The following PGK1 variants were observed in gnomAD, a reference collection of about 807,000 sequenced individuals.
PGK1 encodes phosphoglycerate kinase 1.
Under a neutral mutation model 26.9 loss-of-function variants are expected in PGK1, and 3 were observed. The observed-to-expected ratio is 0.11, with a 90% CI of 0.05 to 0.29. The LOEUF (loss-of-function observed/expected upper bound fraction) is 0.29, where lower values mean the gene tolerates loss of function less well. Among genes scored for constraint, PGK1 ranks in the 10% least tolerant of loss-of-function variants. PGK1 has a pLI of 1.00. For synonymous variants in PGK1, 125 were observed against 115.3 expected (o/e 1.08, Z -0.54); for missense variants, 270 against 314.7 (o/e 0.86, Z 1.07).
chrX:78,113,153 G>T (rs1441914188), intron 2 of PGK1, among the ~76,000 whole-genome samples: 1 of 111,064 alleles, frequency 9.0e-6, no homozygotes, highest in Non-Finnish European at 1.9e-5. Context: ...AAATTAGCTG[G>T]GCATGGTGGT....
Position 78,129,246 on chromosome X carries a change from T to TATCTATCTATCTA in PGK1, c.*3417_*3429dup, listed in dbSNP as rs1557249098. On this transcript the variant is annotated 3_prime_UTR_variant, in exon 11 of 11. Transcript: ENST00000373316. ...CTATCTATCTATCTATCTATCTATC[T>TATCTATCTATCTA]ATCTATCTATCTATCTGTATATAGA... The TATCTATCTATCTA allele has an allele frequency of 1.8e-5, 2 of 110,615 alleles. No individual in the cohort carries two copies. The highest frequency in any genetic ancestry group is 6.6e-5 in the African/African-American group (2 of 30,300). The allele number at this position is 110,615 out of a possible 1,213,427, so 9.1% of individuals were successfully genotyped here. A position where few individuals can be genotyped will look rare whatever the true frequency, so the allele number is the denominator to read the frequency against.
intron 1 of PGK1, among the ~76,000 whole-genome samples, chrX:78,105,249 T>A (rs2078266259): frequency 8.9e-6 from 1 of 112,137 alleles, no homozygotes; most frequent in Admixed American, 9.4e-5. Flanking sequence ...CTGCCAGAAT[T>A]GTTGGTAGAG....
In PGK1 at chrX:78,113,899, A is replaced by G. The variant is rs781818513; in HGVS notation, c.272A>G (p.Lys91Arg). 2 of 1,211,078 alleles carry G rather than the reference A, an allele frequency of 1.7e-6. No individual in the cohort carries two copies. Among genetic ancestry groups the G allele is most frequent in the South Asian group, 3.5e-5 (2 of 56,989 alleles). Residue 91 changes from lysine to arginine, a missense_variant and splice_region_variant, in exon 3 of 11, where the codon AAG (lysine) becomes AGG (arginine). By Grantham distance (26) the Lys-to-Arg change is conservative. Transcript: ENST00000373316. ...GTAGAACTCAAATCTCTGCTGGGCA[A>G]GTAAGTGCCAGGCTCTGGTGCTGGT... is the stretch of plus-strand genomic sequence containing the variant. ...VAVELKSLLG[K>R]DVLFLKDCVG... is the part of the protein sequence containing the mutation.
At position 78,126,725 on chromosome X, in the gene PGK1, TTC is replaced by T. The variant is rs1163837311; in HGVS notation, c.*900_*901del. On this transcript the variant is annotated 3_prime_UTR_variant, in exon 11 of 11. Coordinates refer to ENST00000373316, the MANE Select transcript of PGK1 (RefSeq NM_000291.4). ...TTCCACATATATTTCCACTTCTTCA[TTC>T]TCTCGGTATAGTTTTGTCACAATTA... 1 of 111,657 alleles carries T rather than the reference TTC, an allele frequency of 9.0e-6. No individual in the cohort carries two copies. The highest frequency in any genetic ancestry group is 1.9e-5 in the Non-Finnish European group (1 of 53,117). The allele number at this position is 111,657 out of a possible 1,213,427, so 9.2% of individuals were successfully genotyped here.
Position 78,109,905 on chromosome X carries a change from C to A in PGK1, c.104C>A (p.Thr35Lys). 12 of 1,187,656 alleles carry A rather than the reference C, an allele frequency of 1.0e-5. No homozygotes were observed. The highest frequency in any genetic ancestry group is 1.4e-5 in the Non-Finnish European group (12 of 873,698). The change falls in exon 2 of 11, where the codon ACA becomes AAA. Residue 35 changes from threonine (T) to lysine (K), a missense_variant. Coordinates refer to ENST00000373316, the MANE Select transcript of PGK1 (RefSeq NM_000291.4). ...FNVPMKNNQI[T>K]NNQRIKAAVP... ...GTTCCTATGAAGAACAACCAGATAACAAACAACCAGAGGTAAGGTCCCTGC... is the reference window on the plus strand; with the variant it reads ...GTTCCTATGAAGAACAACCAGATAAAAAACAACCAGAGGTAAGGTCCCTGC...
In PGK1 at chrX:78,129,239, A is replaced by ATCTATCTG. The variant is rs1557249092; in HGVS notation, c.*3416_*3417insGTCTATCT. On this transcript the variant is annotated 3_prime_UTR_variant, in exon 11 of 11. Transcript: ENST00000373316. ...TGTGTACCTATCTATCTATCTATCT[A>ATCTATCTG]TCTATCTATCTATCTATCTATCTGT... 9.1e-6 allele frequency: 1 copy of ATCTATCTG among 109,498 alleles called. No individual in the cohort carries two copies. The highest frequency in any genetic ancestry group is 9.8e-5 in the Admixed American group (1 of 10,223). The allele number at this position is 109,498 out of a possible 1,213,427, so 9.0% of individuals were successfully genotyped here.
intron 6 of PGK1, among the ~76,000 whole-genome samples, chrX:78,121,490 T>C (rs2078355094): frequency 8.9e-6 from 1 of 111,945 alleles, no homozygotes; most frequent in African/African-American, 3.3e-5. Flanking sequence ...AAATAGTAAA[T>C]AGTTTCTTGC....
Position 78,114,085 on chromosome X carries a change from G to T in PGK1, c.342G>T (p.Gly114=). Residue 114 remains glycine (G), a synonymous_variant, in exon 4 of 11, where the codon GGG becomes GGT. Transcript: ENST00000373316. ...AAGCCTGTGCCAACCCAGCTGCTGG[G>T]TCTGTCATCCTGCTGGAGAACCTCC... The part of the protein sequence containing the change: ...VEKACANPAA[G]SVILLENLRF... 8.3e-7 allele frequency: 1 copy of T among 1,209,764 alleles called. No homozygotes were observed.
intron 6 of PGK1, among the ~76,000 whole-genome samples, chrX:78,120,733 C>T (rs1252707281): frequency 9.0e-6 from 1 of 111,365 alleles, no homozygotes; most frequent in Non-Finnish European, 1.9e-5. Context: ...GGGGCTCAGG[C>T]GATCTGCCTG....
intron 1 of PGK1, 88 bp from the exon 2 acceptor site, chrX:78,109,779 G>A (rs1385567731): frequency 1.9e-5 from 12 of 644,170 alleles, no homozygotes; most frequent in African/African-American, 1.3e-4. Flanking sequence ...TTGAATTTCT[G>A]ACTTATTTAA....
chrX:78,121,253 G>A (rs1190740927), intron 6 of PGK1, among the ~76,000 whole-genome samples: 1 of 112,250 alleles, frequency 8.9e-6, no homozygotes, highest in Non-Finnish European at 1.9e-5. Flanking sequence ...TCCATGCATT[G>A]CCTTTGGCTG....
At chrX:78,124,028 G>T (rs1435044244) in intron 8 of PGK1, among the ~76,000 whole-genome samples, 1 of 111,495 alleles carries the variant, frequency 9.0e-6, no homozygotes, top group Non-Finnish European at 1.9e-5. Context: ...TTGCTATCTA[G>T]AAAGCTATAT....
intron 5 of PGK1, 108 bp downstream of exon 5, chrX:78,117,523 T>A (rs2078332584): frequency 1.8e-6 from 1 of 552,172 alleles, no homozygotes; most frequent in Admixed American, 2.7e-5. Context: ...CTGTAATCCT[T>A]TCAGCTTCTC....
At chrX:78,107,337 A>G (rs781994237) in intron 1 of PGK1, among the ~76,000 whole-genome samples, 251 of 111,081 alleles carry the variant, frequency 2.3e-3, no homozygotes, top group Non-Finnish European at 3.9e-3. Flanking sequence ...CACAATCAAG[A>G]TACAGAACTA....
chrX:78,116,409 C>T (rs1296655134), intron 4 of PGK1, among the ~76,000 whole-genome samples: 1 of 112,277 alleles, frequency 8.9e-6, no homozygotes, highest in Admixed American at 9.4e-5. Flanking sequence ...AGTGCCTCTG[C>T]AATTCTTTGG....
chrX:78,113,726 G>C lies in PGK1; in HGVS notation c.117-18G>C. On this transcript the variant is annotated intron_variant, in intron 2 of 10. Transcript: ENST00000373316. ...TAGGAGTAACTTCATTCTGTTTGTT[G>C]TCTCTCTTTGGTTGCAGGATTAAGG... The C allele has an allele frequency of 8.3e-7, 1 of 1,203,913 alleles. No individual in the cohort carries two copies. Among genetic ancestry groups the C allele is most frequent in the Non-Finnish European group, 1.1e-6 (1 of 889,322 alleles).
At chrX:78,123,610 GTT>G (rs200892196) in intron 8 of PGK1, among the ~76,000 whole-genome samples, 4 of 99,195 alleles carry the variant, frequency 4.0e-5, no homozygotes, top group Non-Finnish European at 6.2e-5. Flanking sequence ...TGTTGTTGTT[GTT>G]TTTTTTTTTT....
At position 78,128,114 on chromosome X, in the gene PGK1, T is replaced by C. The variant is rs2078390753; in HGVS notation, c.*2284T>C. ...GGGGGAATCTCCAGTCATAAACAAC[T>C]TGTCAATTAGGCAAATATTTGAGTT... On this transcript the variant is annotated 3_prime_UTR_variant, in exon 11 of 11. Coordinates refer to ENST00000373316, the MANE Select transcript of PGK1 (RefSeq NM_000291.4). 8.9e-6 allele frequency: 1 copy of C among 112,792 alleles called. No individual in the cohort carries two copies. Among genetic ancestry groups the C allele is most frequent in the African/African-American group, 3.2e-5 (1 of 31,025 alleles). The allele number at this position is 112,792 out of a possible 1,213,427, so 9.3% of individuals were successfully genotyped here. A position where few individuals can be genotyped will look rare whatever the true frequency, so the allele number is the denominator to read the frequency against.
At position 78,128,334 on chromosome X, in the gene PGK1, G is replaced by A. The variant is rs2078392174; in HGVS notation, c.*2504G>A. 1 of 113,206 alleles carries A rather than the reference G, an allele frequency of 8.8e-6. No individual in the cohort carries two copies. The highest frequency in any genetic ancestry group is 3.2e-5 in the African/African-American group (1 of 31,123). The allele number at this position is 113,206 out of a possible 1,213,427, so 9.3% of individuals were successfully genotyped here. ...GCCAAGGCGGGCAGATCACCTGTCA[G>A]GAGTTTGGGACCAGCCTGGCCAACA... is the stretch of plus-strand genomic sequence containing the variant. On this transcript the variant is annotated 3_prime_UTR_variant, in exon 11 of 11. Transcript: ENST00000373316.
Sources: allele counts gnomAD v4.1 joint callset (sites outside exome capture counted in the v4.1 genomes callset), GRCh38; gene constraint gnomAD v4.1.1; transcripts MANE v1.5; gene names NCBI Gene and HGNC (gene_info 2026-07-23, HGNC 2026-07-21).